The following B4GALT7 variants were observed in gnomAD, a reference collection of about 807,000 sequenced individuals.
The protein encoded by B4GALT7 is beta-1,4-galactosyltransferase 7, also known as UDP-Gal:beta-GlcNAc beta-1,4-galactosyltransferase 7.
B4GALT7 carries 30 observed loss-of-function variants against 33.0 expected under a neutral mutation model. The observed-to-expected ratio is 0.91, with a 90% CI of 0.68 to 1.23. The LOEUF is 1.23. B4GALT7 is among the 50% of genes most tolerant of loss of function. The pLI, the probability that B4GALT7 is intolerant of heterozygous loss-of-function variation, is 0.00. For synonymous variants in B4GALT7, 213 were observed against 187.2 expected, an observed-to-expected ratio of 1.14 and a Z score of -1.13; for missense variants, 507 against 450.8, an observed-to-expected ratio of 1.12 and a Z score of -1.13.
chr5:177,603,604 G>A (rs560968754), intron 1 of B4GALT7, among the ~76,000 whole-genome samples: 5 of 152,292 alleles, frequency 3.3e-5, no homozygotes, highest in African/African-American at 1.2e-4. Context: ...GCTTCGGGGG[G>A]CACGTCTGAT....
chr5:177,608,254 G>A lies in B4GALT7; in HGVS notation c.640-285G>A, dbSNP rs1768070662. On this transcript the variant is annotated intron_variant, in intron 3 of 5. Coordinates refer to ENST00000029410, the MANE Select transcript of B4GALT7 (RefSeq NM_007255.3). This position sits in a 1 kb window ranked among gnomAD's most constrained non-coding sequence, Gnocchi z 4.1. ...TGGGGGAAGCAGAAATCAAGTAGGAGCTGGCGCTTCTGCCCATCGACAGTT... is the reference window on the plus strand; with the variant it reads ...TGGGGGAAGCAGAAATCAAGTAGGAACTGGCGCTTCTGCCCATCGACAGTT... The A allele has an allele frequency of 4.1e-6, 2 of 482,370 alleles. No homozygotes were observed. Among genetic ancestry groups the A allele is most frequent in the Admixed American group, 6.8e-5 (2 of 29,366 alleles). 29.9% of individuals were successfully genotyped at this position (482,370 alleles called of 1,614,324 possible). A position where few individuals can be genotyped will look rare whatever the true frequency, so the allele number is the denominator to read the frequency against.
At chr5:177,603,930 T>C in intron 1 of B4GALT7, 1 of 561,122 alleles carries the variant, frequency 1.8e-6, no homozygotes. Context: ...CCGGGGCAGC[T>C]CTGTGAACTG....
rs758180439 is a variant in B4GALT7, at chr5:177,604,248, G to T, written c.120G>T (p.Ser40=). 1 of 1,613,608 alleles carries T rather than the reference G, an allele frequency of 6.2e-7. No individual in the cohort carries two copies. The highest frequency in any genetic ancestry group is 1.1e-5 in the South Asian group (1 of 91,036). Residue 40 remains serine, a synonymous_variant, in exon 2 of 6, where the codon TCG becomes TCT. Coordinates refer to ENST00000029410, the MANE Select transcript of B4GALT7 (RefSeq NM_007255.3). ...SVFHLFVACL[S]LGFFSLLWLQ... ...TCCACCTGTTCGTGGCCTGCCTCTC[G>T]CTGGGCTTCTTCTCCCTACTCTGGC...
rs1768125738 is a variant in B4GALT7 at position 177,609,761 on chromosome 5, AGG to A, written c.*67_*68del. The A allele has an allele frequency of 1.3e-6, 2 of 1,543,468 alleles. No individual in the cohort carries two copies. Among genetic ancestry groups the A allele is most frequent in the Admixed American group, 3.9e-5 (2 of 51,052 alleles). On this transcript the variant is annotated 3_prime_UTR_variant, in exon 6 of 6. Coordinates refer to ENST00000029410, the MANE Select transcript of B4GALT7 (RefSeq NM_007255.3). ...TTGCTCAGGCTCAGGACAAGGCCTC[AGG>A]TCGTGGGCCCAGCTCTGACAGGATG...
chr5:177,607,517 A>T lies in B4GALT7; in HGVS notation c.629A>T (p.His210Leu), dbSNP rs752722346. ...GGCATCCTGCTGCTCTCCAAGCAGC[A>T]CTACCGGCTGGTGAGGCCCGGACAG... ...VGGILLLSKQ[H>L]YRLCNGMSNR... The change falls in exon 3 of 6, where the codon CAC (histidine) becomes CTC (leucine). Residue 210 changes from histidine (H) to leucine (L), a missense_variant. His to Leu is a moderately conservative substitution (Grantham distance 99). Transcript: ENST00000029410. The T allele has an allele frequency of 5.0e-6, 8 of 1,611,912 alleles. No homozygotes were observed. The African/African-American group carries it at 1.1e-4, about 22-fold the overall frequency.
Position 177,607,402 on chromosome 5 carries a change from G to A in B4GALT7, c.514G>A (p.Glu172Lys), listed in dbSNP as rs749164672. 26 of 1,613,994 alleles carry A rather than the reference G, an allele frequency of 1.6e-5. No individual in the cohort carries two copies. The highest frequency in any genetic ancestry group is 2.7e-5 in the African/African-American group (2 of 74,948). Residue 172 changes from glutamate (E) to lysine (K), a missense_variant, in exon 3 of 6, where the codon GAG (glutamate) becomes AAG (lysine). Coordinates refer to ENST00000029410, the MANE Select transcript of B4GALT7 (RefSeq NM_007255.3). ...HDVDLLPLNE[E>K]LDYGFPEAGP... ...CGTTGACCTGCTCCCTCTCAACGAG[G>A]AGCTGGACTATGGCTTTCCTGAGGC...
chr5:177,600,491 A>G lies in B4GALT7; in HGVS notation c.50+231A>G, dbSNP rs1201554843. Among the ~76,000 whole-genome samples, 1 of 42,296 alleles carries G rather than the reference A, an allele frequency of 2.4e-5. No individual in the cohort carries two copies. Among genetic ancestry groups the G allele is most frequent in the Non-Finnish European group, 4.5e-5 (1 of 21,986 alleles). The allele number at this position is 42,296 out of a possible 152,430, so 27.7% of individuals were successfully genotyped here. ...TTTCCGCGGCACTCGTCCTTCCCCC[A>G]GCACCTTCCCCCCGGCCCGTGGGTC... On this transcript the variant is annotated intron_variant, in intron 1 of 5. Transcript: ENST00000029410. This position sits in a 1 kb window ranked among gnomAD's most constrained non-coding sequence, Gnocchi z 4.4.
rs552655005 is a variant in B4GALT7, at chr5:177,608,343, C to T, written c.640-196C>T. 1.1e-4 allele frequency: 67 copies of T among 596,198 alleles called. No homozygotes were observed. In the East Asian group the frequency reaches 1.3e-3, roughly 11 times the overall value. 36.9% of individuals were successfully genotyped at this position (596,198 alleles called of 1,614,324 possible). A position where few individuals can be genotyped will look rare whatever the true frequency, so the allele number is the denominator to read the frequency against. On this transcript the variant is annotated intron_variant, in intron 3 of 5. Transcript: ENST00000029410. The surrounding 1 kb of genome is among the most constrained non-coding windows in gnomAD (Gnocchi z 4.1). ...AGAAGGTGAGCCTCTCACACAGGTT[C>T]AAGGCCCCGTGAGAACGGGAGAGGG...
chr5:177,608,646 C>T lies in B4GALT7; in HGVS notation c.723+24C>T. 1 of 1,605,190 alleles carries T rather than the reference C, an allele frequency of 6.2e-7. No individual in the cohort carries two copies. The highest frequency in any genetic ancestry group is 1.3e-5 in the African/African-American group (1 of 74,914). On this transcript the variant is annotated intron_variant, in intron 4 of 5. Coordinates refer to ENST00000029410, the MANE Select transcript of B4GALT7 (RefSeq NM_007255.3). This position sits in a 1 kb window ranked among gnomAD's most constrained non-coding sequence, Gnocchi z 4.1. ...AGGTGAGATTCCCCGGGCCCCGCCG[C>T]CACCTCAGCTGCGGTGGCTGCCCTG...
chr5:177,601,891 T>C (rs1767859760), intron 1 of B4GALT7, among the ~76,000 whole-genome samples: 2 of 152,136 alleles, frequency 1.3e-5, no homozygotes, highest in South Asian at 4.1e-4. Context: ...TTTGTGCTCT[T>C]AGAGCACAGG....
chr5:177,600,233 C>A lies in B4GALT7; in HGVS notation c.23C>A (p.Ala8Glu). The A allele has an allele frequency of 7.2e-7, 1 of 1,395,852 alleles. No homozygotes were observed. The highest frequency in any genetic ancestry group is 9.4e-7 in the Non-Finnish European group (1 of 1,068,758). 86.5% of individuals were successfully genotyped at this position (1,395,852 alleles called of 1,614,324 possible). The change falls in exon 1 of 6, where the codon GCG becomes GAG. Residue 8 changes from alanine to glutamate, a missense_variant. Transcript: ENST00000029410. This position sits in a 1 kb window ranked among gnomAD's most constrained non-coding sequence, Gnocchi z 4.4. MFPSRRK[A>E]AQLPWEDGRS... ...ACGATGTTCCCCTCGCGGAGGAAAG[C>A]GGCGCAGCTGCCCTGGGAGGACGGC... is the stretch of plus-strand genomic sequence containing the variant.
chr5:177,605,075 C>T (rs1484397879), intron 2 of B4GALT7: 1 of 455,896 alleles, frequency 2.2e-6, no homozygotes, highest in East Asian at 7.0e-5. Context: ...GATTCTCAGC[C>T]CCACCAGCCT....
rs763167963 is a variant in B4GALT7 at position 177,604,379 on chromosome 5, G to C, written c.251G>C (p.Trp84Ser). 1.2e-6 allele frequency: 2 copies of C among 1,613,452 alleles called. No individual in the cohort carries two copies. The highest frequency in any genetic ancestry group is 2.2e-5 in the South Asian group (2 of 91,058). The change falls in exon 2 of 6, where the codon TGG (tryptophan) becomes TCG (serine). Residue 84 changes from tryptophan to serine, a missense_variant. By Grantham distance (177) the Trp-to-Ser change is radical (BLOSUM62 -3). Transcript: ENST00000029410. ...CCCCCAGAGCCGCCCCCTGAGCACT[G>C]GGAAGAAGACGCATCCTGGGGCCCC... Reference protein sequence around the residue: ...ACPPEPPPEHWEEDASWGPHR... With the variant: ...ACPPEPPPEHSEEDASWGPHR...
At position 177,600,143 on chromosome 5, in the gene B4GALT7, G is replaced by A. The variant is rs1307188818; in HGVS notation, c.-68G>A. 12 of 1,155,518 alleles carry A rather than the reference G, an allele frequency of 1.0e-5. No homozygotes were observed. The highest frequency in any genetic ancestry group is 8.1e-5 in the African/African-American group (5 of 61,580). The allele number at this position is 1,155,518 out of a possible 1,614,324, so 71.6% of individuals were successfully genotyped here. On this transcript the variant is annotated 5_prime_UTR_variant, in exon 1 of 6. Transcript: ENST00000029410. This position sits in a 1 kb window ranked among gnomAD's most constrained non-coding sequence, Gnocchi z 4.4. The stretch of plus-strand genomic sequence containing the variant: ...GCGGAGCGGGAGGCGGAGGCGCCGC[G>A]TAGGCCCGGGAGGCCGGGCCGGCCG...
chr5:177,604,633 A>G (rs1581992996), intron 2 of B4GALT7, 92 bp downstream of exon 2: 3 of 1,553,146 alleles, frequency 1.9e-6, no homozygotes, highest in Non-Finnish European at 2.6e-6. Flanking sequence ...CAGGGGCAGG[A>G]GGGCGGGAGG....
Position 177,604,205 on chromosome 5 carries a change from C to T in B4GALT7, c.77C>T (p.Pro26Leu), listed in dbSNP as rs1581992259. ...TCCGGGTTGCTCTCCGGCGGCCTCC[C>T]TCGGAAGTGTTCCGTCTTCCACCTG... ...GRSGLLSGGLPRKCSVFHLFV... is the reference protein window; with the variant it reads ...GRSGLLSGGLLRKCSVFHLFV... Residue 26 changes from proline to leucine, a missense_variant, in exon 2 of 6, where the codon CCT becomes CTT. Transcript: ENST00000029410. The T allele has an allele frequency of 6.2e-7, 1 of 1,613,552 alleles. No homozygotes were observed. The highest frequency in any genetic ancestry group is 1.7e-5 in the Admixed American group (1 of 59,996).
chr5:177,607,131 A>G, intron 2 of B4GALT7, 171 bp from the exon 3 acceptor site: 1 of 680,400 alleles, frequency 1.5e-6, no homozygotes, highest in South Asian at 1.6e-5. Flanking sequence ...TCTGGCACAT[A>G]GTGGGTGCTT....
chr5:177,601,061 TCTC>T (rs1199587522), intron 1 of B4GALT7, among the ~76,000 whole-genome samples: 1 of 152,142 alleles, frequency 6.6e-6, no homozygotes, highest in African/African-American at 2.4e-5. Flanking sequence ...CATGACTGGA[TCTC>T]CTCCTCGTGA....
intron 5 of B4GALT7, 39 bp from the exon 6 acceptor site, chr5:177,609,501 C>T (rs533946910): frequency 2.5e-6 from 4 of 1,611,542 alleles, no homozygotes; most frequent in East Asian, 2.2e-5. Flanking sequence ...GGCACCCATG[C>T]AGCCCTGAGT....
Sources: gnomAD v4.1 joint callset for allele counts (sites outside exome capture counted in the v4.1 genomes callset) on GRCh38, gnomAD v4.1.1 for gene constraint, Gnocchi (gnomAD v3.1) non-coding constraint, MANE v1.5 for transcripts, NCBI Gene and HGNC (gene_info 2026-07-23, HGNC 2026-07-21) for gene names.